Variants in HGF observed in about 807,000 individuals in gnomAD.
The protein encoded by HGF is hepatocyte growth factor, also known as fibroblast-derived tumor cytotoxic factor.
HGF carries 39 observed loss-of-function variants against 111.6 expected under a neutral mutation model. That is an observed-to-expected ratio of 0.35 (90% CI 0.27 to 0.46). The LOEUF (loss-of-function observed/expected upper bound fraction) is 0.46, where lower values mean the gene tolerates loss of function less well. Among genes scored for constraint, HGF ranks in the 20% least tolerant of loss-of-function variants. HGF has a pLI of 1.00. For synonymous variants in HGF, 285 were observed against 294.8 expected, an observed-to-expected ratio of 0.97 and a Z score of 0.34; for missense variants, 735 against 910.5, an observed-to-expected ratio of 0.81 and a Z score of 2.48.
chr7:81,747,531 AAAAT>A (rs931358442), intron 5 of HGF, among the ~76,000 whole-genome samples: 2 of 152,208 alleles, frequency 1.3e-5, no homozygotes, highest in African/African-American at 4.8e-5. Flanking sequence ...TGTGGGCCTA[AAAAT>A]AAATAAATAA....
chr7:81,710,028 C>A (rs771880724), intron 13 of HGF, 119 bp downstream of exon 13: 6 of 736,614 alleles, frequency 8.1e-6, no homozygotes, highest in Non-Finnish European at 1.5e-5. Context: ...CTTTTACTGC[C>A]TCACCCAGGT....
intron 8 of HGF, 72 bp downstream of exon 8, chr7:81,729,533 T>C (rs1787563378): frequency 8.3e-7 from 1 of 1,203,028 alleles, no homozygotes; most frequent in South Asian, 1.2e-5. Flanking sequence ...ACAAAATTAG[T>C]AAAAAGTAAC....
At chr7:81,750,924 TTAAAAG>T in intron 5 of HGF, 1 of 902,730 alleles carries the variant, frequency 1.1e-6, no homozygotes, top group Non-Finnish European at 1.3e-6. Context: ...TTTATTATTT[TTAAAAG>T]AAAAGAAAAC....
At chr7:81,710,037 G>A (rs558837589) in intron 13 of HGF, 110 bp downstream of exon 13, 1 of 764,218 alleles carries the variant, frequency 1.3e-6, no homozygotes, top group Non-Finnish European at 2.4e-6. Context: ...CCTCACCCAG[G>A]TGCCCTGTGG....
At chr7:81,741,571 GTGTGTGTGTGTC>G (rs1241686183) in intron 7 of HGF, among the ~76,000 whole-genome samples, 4 of 149,010 alleles carry the variant, frequency 2.7e-5, no homozygotes, top group African/African-American at 1.0e-4. Flanking sequence ...GTGTGTATGT[GTGTGTGTGTGTC>G]TGTGTGTGTG....
chr7:81,769,084 C>T (rs5745615), intron 1 of HGF, among the ~76,000 whole-genome samples: 28 of 152,134 alleles, frequency 1.8e-4, no homozygotes, highest in African/African-American at 6.5e-4. Context: ...GGCACCTCAG[C>T]CTCTACAATG....
chr7:81,742,656 G>A lies in HGF; in HGVS notation c.865+697C>T, dbSNP rs865995700. The A allele has an allele frequency of 4.9e-6, 6 of 1,216,284 alleles. No individual in the cohort carries two copies. In the African/African-American group the frequency reaches 7.7e-5, roughly 16 times the overall value. The allele number at this position is 1,216,284 out of a possible 1,614,324, so 75.3% of individuals were successfully genotyped here. On this transcript the variant is annotated intron_variant, in intron 7 of 17. Coordinates refer to ENST00000222390, the MANE Select transcript of HGF (RefSeq NM_000601.6). ...TGTGTGACTTAACCATAGAGGAGAGGACCAAGTTCACAGATTGAAAGGAAC... is the reference window on the plus strand; with the variant it reads ...TGTGTGACTTAACCATAGAGGAGAGAACCAAGTTCACAGATTGAAAGGAAC...
chr7:81,751,917 G>C, intron 5 of HGF: 1 of 1,393,148 alleles, frequency 7.2e-7, no homozygotes, highest in Non-Finnish European at 9.3e-7. Context: ...CTGATAACTC[G>C]CTCTGTTATT....
rs11432359 is a variant in HGF at position 81,713,537 on chromosome 7, C to CAA, written c.1406-2020_1406-2019dup. The stretch of plus-strand genomic sequence containing the variant: ...TGGGCAGCAGTGTGATACTCTGTCT[C>CAA]AAAAAAAAAAAAAAATTTGTAGACA... On this transcript the variant is annotated intron_variant, in intron 11 of 17. Coordinates refer to ENST00000222390, the MANE Select transcript of HGF (RefSeq NM_000601.6). Among the ~76,000 whole-genome samples the CAA allele has an allele frequency of 3.5e-3, 503 of 143,968 alleles. 3 individuals are homozygous for CAA. Among genetic ancestry groups the CAA allele is most frequent in the Middle Eastern group, 0.011 (3 of 282 alleles). The allele number at this position is 143,968 out of a possible 152,430, so 94.4% of individuals were successfully genotyped here.
chr7:81,767,446 G>T (rs916555590), intron 1 of HGF, among the ~76,000 whole-genome samples: 11 of 152,176 alleles, frequency 7.2e-5, no homozygotes, highest in Non-Finnish European at 1.3e-4. Context: ...TAAGTGAGAT[G>T]TACTTTACTA....
At position 81,725,912 on chromosome 7, in the gene HGF, G is replaced by C. The variant is rs1789993874; in HGVS notation, c.1146C>G (p.Asn382Lys). 1.2e-6 allele frequency: 2 copies of C among 1,614,104 alleles called. No homozygotes were observed. The highest frequency in any genetic ancestry group is 2.2e-5 in the South Asian group (2 of 91,084). Residue 382 changes from asparagine to lysine, a missense_variant, in exon 9 of 18, where the codon AAC becomes AAG. By Grantham distance (94) the Asn-to-Lys change is moderately conservative (BLOSUM62 0). Transcript: ENST00000222390. ...IRVGYCSQIP[N>K]CDMSHGQDCY... ...TACCTTGTCCATGTGACATATCACA[G>C]TTTGGAATTTGGGAGCAGTAGCCAA...
chr7:81,711,451 A>T, intron 12 of HGF, 30 bp downstream of exon 12: 1 of 1,322,314 alleles, frequency 7.6e-7, no homozygotes, highest in Non-Finnish European at 1.1e-6. Flanking sequence ...GAGACTCAGA[A>T]TATACTTTAT....
intron 1 of HGF, among the ~76,000 whole-genome samples, chr7:81,769,020 C>G (rs1465495741): frequency 2.0e-5 from 3 of 150,728 alleles, no homozygotes; most frequent in Admixed American, 6.6e-5. Flanking sequence ...GGCATTTGTT[C>G]CCACTCTTTT....
chr7:81,760,672 T>TGTGCGTGC (rs1035567798), intron 2 of HGF, among the ~76,000 whole-genome samples: 31 of 114,078 alleles, frequency 2.7e-4, no homozygotes, highest in African/African-American at 1.0e-3. Flanking sequence ...TGTGTGTCTA[T>TGTGCGTGC]GTGCGTGCGT....
At position 81,717,317 on chromosome 7, in the gene HGF, G is replaced by A. The variant is rs2115849197; in HGVS notation, c.1320C>T (p.Cys440=). ...CATGAGCATCATCATCTGGATTTCG[G>A]CAGTAATTCTCATTCAGCTTACTTG... ...PDASKLNENY[C]RNPDDDAHGP... is the part of the protein sequence containing the mutation. Residue 440 remains cysteine, a synonymous_variant, in exon 11 of 18, where the codon TGC becomes TGT. Coordinates refer to ENST00000222390, the MANE Select transcript of HGF (RefSeq NM_000601.6). The A allele has an allele frequency of 6.2e-7, 1 of 1,613,406 alleles. No homozygotes were observed. Among genetic ancestry groups the A allele is most frequent in the Non-Finnish European group, 8.5e-7 (1 of 1,179,406 alleles).
rs1213509732 is a variant in HGF, at chr7:81,752,169, G to C, written c.576C>G (p.Ser192Arg). ...GEEGGPWCFT[S>R]NPEVRYEVCD... ...AGACTTCGTAGCGTACCTCTGGATT[G>C]CTTGTGAAACACCAGGGTCCCCCTT... is the stretch of plus-strand genomic sequence containing the variant. Residue 192 changes from serine (S) to arginine (R), a missense_variant, in exon 5 of 18, where the codon AGC (serine) becomes AGG (arginine). By Grantham distance (110) the Ser-to-Arg change is moderately radical (BLOSUM62 -1). Around this residue, in one of 3 missense-constraint regions of HGF, gnomAD observed 553 missense variants for 685.6 expected, o/e 0.81. Transcript: ENST00000222390. 1 of 1,613,564 alleles carries C rather than the reference G, an allele frequency of 6.2e-7. No individual in the cohort carries two copies. The highest frequency in any genetic ancestry group is 8.5e-7 in the Non-Finnish European group (1 of 1,179,584).
chr7:81,745,264 A>C, intron 5 of HGF, 144 bp from the exon 6 acceptor site: 1 of 778,188 alleles, frequency 1.3e-6, no homozygotes, highest in Non-Finnish European at 2.2e-6. Context: ...TTAGGGCCTA[A>C]TGTCTATAAA....
chr7:81,730,974 C>G (rs539237795), intron 7 of HGF, among the ~76,000 whole-genome samples: 1 of 152,272 alleles, frequency 6.6e-6, no homozygotes, highest in South Asian at 2.1e-4. Flanking sequence ...CTTTCAGTGA[C>G]TAGGGATGCC....
At chr7:81,729,891 T>C in intron 7 of HGF, 112 bp from the exon 8 acceptor site, 2 of 778,068 alleles carry the variant, frequency 2.6e-6, no homozygotes, top group Non-Finnish European at 4.1e-6. Flanking sequence ...TTCTGTTACT[T>C]ATAAGCTTTT....
Sources: allele counts gnomAD v4.1 joint callset (sites outside exome capture counted in the v4.1 genomes callset), GRCh38; gene constraint gnomAD v4.1.1; regional missense constraint gnomAD v4.1.1; transcripts MANE v1.5; gene names NCBI Gene and HGNC (gene_info 2026-07-23, HGNC 2026-07-21).